Variants in ATOSA observed in about 807,000 individuals in gnomAD.
ATOSA encodes atos homolog A.
At chr15:52,610,803 T>C in the ATOSA span, among the ~76,000 whole-genome samples, 9 of 152,246 alleles carry the variant, frequency 5.9e-5, no homozygotes, top group East Asian at 1.9e-4. Flanking sequence ...GTTTACATTA[T>C]CCAAGATGCC....
chr15:52,694,358 G>A, the ATOSA span, among the ~76,000 whole-genome samples: 1 of 151,904 alleles, frequency 6.6e-6, no homozygotes, highest in Non-Finnish European at 1.5e-5. Context: ...TAGAGACAGG[G>A]TTTCTCCATG....
chr15:52,623,863 T>C, the ATOSA span, among the ~76,000 whole-genome samples: 9 of 152,196 alleles, frequency 5.9e-5, no homozygotes, highest in Non-Finnish European at 1.2e-4. Flanking sequence ...AACAGCCCTT[T>C]CTAGAAAAGT....
chr15:52,675,800 G>A, the ATOSA span, among the ~76,000 whole-genome samples: 1 of 152,110 alleles, frequency 6.6e-6, no homozygotes, highest in Admixed American at 6.5e-5. Flanking sequence ...CCCAGCTACC[G>A]AAGGCTGAGG....
chr15:52,677,496 T>C, the ATOSA span, among the ~76,000 whole-genome samples: 1 of 152,234 alleles, frequency 6.6e-6, no homozygotes, highest in Non-Finnish European at 1.5e-5. Context: ...ACTGTCCATA[T>C]GCTGGTATAT....
chr15:52,610,118 G>T, the ATOSA span: 2 of 1,613,990 alleles, frequency 1.2e-6, no homozygotes, highest in South Asian at 2.2e-5. Context: ...CTACACAGAC[G>T]CTGTGAACTG....
At chr15:52,630,472 C>A in the ATOSA span, among the ~76,000 whole-genome samples, 1 of 152,128 alleles carries the variant, frequency 6.6e-6, no homozygotes, top group Non-Finnish European at 1.5e-5. Flanking sequence ...TTAATCATTG[C>A]AAAATACAAA....
chr15:52,584,921 A>G, the ATOSA span: 2 of 1,611,294 alleles, frequency 1.2e-6, no homozygotes, highest in Non-Finnish European at 8.5e-7. Flanking sequence ...TCTTCACCAC[A>G]GTCTTATTAG....
chr15:52,677,256 T>C, the ATOSA span, among the ~76,000 whole-genome samples: 8 of 152,172 alleles, frequency 5.3e-5, no homozygotes, highest in South Asian at 2.1e-4. Flanking sequence ...TAATCCCCAC[T>C]TCACAATGTT....
the ATOSA span, among the ~76,000 whole-genome samples, chr15:52,627,209 C>T: frequency 6.6e-6 from 1 of 152,050 alleles, no homozygotes; most frequent in African/African-American, 2.4e-5. Flanking sequence ...TCAGAAAATA[C>T]CTAAGAGGGA....
chr15:52,683,294 G>C, the ATOSA span, among the ~76,000 whole-genome samples: 2 of 152,184 alleles, frequency 1.3e-5, no homozygotes, highest in Non-Finnish European at 2.9e-5. Flanking sequence ...CTTTCCCAAA[G>C]CTATATTTAA....
the ATOSA span, chr15:52,709,620 TG>T: frequency 6.6e-6 from 1 of 152,634 alleles, no homozygotes; most frequent in Non-Finnish European, 1.5e-5. Flanking sequence ...CCCCTGCACT[TG>T]CTAGCCCCTT....
the ATOSA span, among the ~76,000 whole-genome samples, chr15:52,645,826 T>A: frequency 8.5e-5 from 13 of 152,330 alleles, no homozygotes; most frequent in South Asian, 2.1e-3. Flanking sequence ...GAAAGAACTC[T>A]GAGACAAAGA....
chr15:52,637,954 TTA>T, the ATOSA span, among the ~76,000 whole-genome samples: 1 of 152,202 alleles, frequency 6.6e-6, no homozygotes, highest in Non-Finnish European at 1.5e-5. Context: ...TTTCCAGTCT[TTA>T]TGTTTCTACT....
chr15:52,664,236 T>C, the ATOSA span, among the ~76,000 whole-genome samples: 2 of 152,224 alleles, frequency 1.3e-5, no homozygotes, highest in African/African-American at 4.8e-5. Flanking sequence ...CTAAAGACTT[T>C]AGACATTATA....
At chr15:52,610,231 C>G in the ATOSA span, 7 of 1,613,972 alleles carry the variant, frequency 4.3e-6, no homozygotes, top group Non-Finnish European at 5.9e-6. Context: ...AGTGTGAATA[C>G]TGCACGTCAA....
chr15:52,697,412 C>T, the ATOSA span, among the ~76,000 whole-genome samples: 3 of 152,198 alleles, frequency 2.0e-5, no homozygotes, highest in African/African-American at 7.2e-5. Flanking sequence ...ACAGTAACAC[C>T]TCATGGAAGA....
chr15:52,642,049 C>G, the ATOSA span, among the ~76,000 whole-genome samples: 1 of 152,196 alleles, frequency 6.6e-6, no homozygotes, highest in Non-Finnish European at 1.5e-5. Context: ...CTAAGCACAA[C>G]TATTATGATC....
the ATOSA span, among the ~76,000 whole-genome samples, chr15:52,617,990 C>G: frequency 6.6e-6 from 1 of 151,798 alleles, no homozygotes; most frequent in Non-Finnish European, 1.5e-5. Context: ...ATGATCTCCC[C>G]AAATACCGTG....
At chr15:52,612,377 C>G in the ATOSA span, among the ~76,000 whole-genome samples, 1 of 152,114 alleles carries the variant, frequency 6.6e-6, no homozygotes, top group African/African-American at 2.4e-5. Flanking sequence ...GTCTGACAGG[C>G]CTCTGAGTTG....
Sources: allele counts gnomAD v4.1 joint callset (sites outside exome capture counted in the v4.1 genomes callset), GRCh38; gene constraint gnomAD v4.1.1; transcripts MANE v1.5; gene names NCBI Gene and HGNC (gene_info 2026-07-23, HGNC 2026-07-21).